CNTN3: variants seen among roughly 807,000 people sequenced by gnomAD.
CNTN3 encodes contactin-3.
Under a neutral mutation model 119.1 loss-of-function variants are expected in CNTN3, and 60 were observed. The ratio of observed to expected loss-of-function variants is 0.50; its 90% confidence interval spans 0.41 to 0.62. The LOEUF is 0.62. Ranked by LOEUF, CNTN3 falls within the 20% of genes least tolerant of loss-of-function variation. The probability of loss-of-function intolerance (pLI) is 0.00; values close to 1 mark genes in which losing one functional copy is unlikely to be tolerated. For missense variants in CNTN3, 1,101 were observed against 1,242.4 expected (o/e 0.89, Z 1.71); for synonymous variants, 450 against 438.7 (o/e 1.03, Z -0.32).
intron 1 of CNTN3, among the ~76,000 whole-genome samples, chr3:74,568,528 A>G (rs1371177095): frequency 6.6e-6 from 1 of 152,182 alleles, no homozygotes; most frequent in Non-Finnish European, 1.5e-5. Context: ...TCCTGGGATG[A>G]CAACCTAATG....
chr3:74,564,546 C>T (rs964491860), intron 1 of CNTN3, among the ~76,000 whole-genome samples: 7 of 150,604 alleles, frequency 4.6e-5, no homozygotes, highest in African/African-American at 1.5e-4. Flanking sequence ...TTCAATAAGC[C>T]ATTCATTCCA....
At chr3:74,399,477 T>C (rs533906897) in intron 5 of CNTN3, among the ~76,000 whole-genome samples, 3 of 152,310 alleles carry the variant, frequency 2.0e-5, no homozygotes, top group East Asian at 1.9e-4. Flanking sequence ...CATGATCTCA[T>C]GTTTTTAATG....
chr3:74,450,619 G>A (rs1016266272), intron 4 of CNTN3, among the ~76,000 whole-genome samples: 2 of 149,332 alleles, frequency 1.3e-5, no homozygotes, highest in African/African-American at 4.9e-5. Context: ...CCACTAACTC[G>A]TCATCTAGCA....
chr3:74,369,866 G>C, intron 7 of CNTN3, 23 bp downstream of exon 7: 1 of 1,236,900 alleles, frequency 8.1e-7, no homozygotes. Flanking sequence ...TCAGCACATA[G>C]GAGTAAATGT....
chr3:74,337,205 C>A (rs1703416123), intron 11 of CNTN3, among the ~76,000 whole-genome samples: 1 of 152,036 alleles, frequency 6.6e-6, no homozygotes, highest in African/African-American at 2.4e-5. Context: ...AGAGCCTAGG[C>A]AAATCCAATA....
intron 5 of CNTN3, among the ~76,000 whole-genome samples, chr3:74,389,437 T>C (rs1704838063): frequency 6.6e-6 from 1 of 152,192 alleles, no homozygotes; most frequent in Non-Finnish European, 1.5e-5. Context: ...TGTAGCATTA[T>C]TTTTGTGTAT....
chr3:74,380,533 C>T (rs1199704096), intron 5 of CNTN3, among the ~76,000 whole-genome samples: 1 of 152,180 alleles, frequency 6.6e-6, no homozygotes, highest in East Asian at 1.9e-4. Flanking sequence ...GATTGACCTG[C>T]CTTGCTATTA....
intron 1 of CNTN3, among the ~76,000 whole-genome samples, chr3:74,601,009 A>T (rs1704900411): frequency 1.3e-5 from 2 of 151,358 alleles, no homozygotes. Context: ...TATTCACTAC[A>T]TGAGACTTAC....
At chr3:74,353,065 G>A (rs1216761772) in intron 11 of CNTN3, among the ~76,000 whole-genome samples, 2 of 152,198 alleles carry the variant, frequency 1.3e-5, no homozygotes, top group East Asian at 1.9e-4. Flanking sequence ...GAGGAGAGGA[G>A]CCAGGTAGTG....
At chr3:74,571,710 CATTT>C (rs905036071) in intron 1 of CNTN3, among the ~76,000 whole-genome samples, 20 of 152,084 alleles carry the variant, frequency 1.3e-4, no homozygotes, top group African/African-American at 4.8e-4. Context: ...AGAATCCTGC[CATTT>C]ATTTAGATTA....
rs75512197 is a variant in CNTN3 at position 74,320,799 on chromosome 3, T to C, written c.1668+13936A>G. Among the ~76,000 whole-genome samples, 69 of 152,274 alleles carry C rather than the reference T, an allele frequency of 4.5e-4. 4 individuals are homozygous for C. The East Asian group carries it at 0.013, about 29-fold the overall frequency. ...GCACAACCTTTAGAGCACACTTTTA[T>C]TGTGGACATATGCAATTTTTCATGT... On this transcript the variant is annotated intron_variant, in intron 13 of 22. Coordinates refer to ENST00000263665, the MANE Select transcript of CNTN3 (RefSeq NM_020872.3).
chr3:74,266,717 C>T (rs1049478143), intron 21 of CNTN3, 68 bp from the exon 22 acceptor site: 14 of 1,442,202 alleles, frequency 9.7e-6, no homozygotes, highest in East Asian at 2.3e-5. Flanking sequence ...TAGAATTTGT[C>T]TCTCTGAAAT....
chr3:74,408,911 A>G (rs1701390066), intron 5 of CNTN3, among the ~76,000 whole-genome samples: 1 of 152,324 alleles, frequency 6.6e-6, no homozygotes, highest in Middle Eastern at 3.4e-3. Context: ...ACTAACATAC[A>G]GTAAAATTGT....
intron 4 of CNTN3, among the ~76,000 whole-genome samples, chr3:74,452,965 G>T (rs1248852805): frequency 6.6e-6 from 1 of 151,152 alleles, no homozygotes; most frequent in Non-Finnish European, 1.5e-5. Context: ...AAGGATATTG[G>T]TCTAAAATTC....
At chr3:74,370,712 T>C (rs1437506208) in intron 6 of CNTN3, among the ~76,000 whole-genome samples, 2 of 152,080 alleles carry the variant, frequency 1.3e-5, no homozygotes, top group Non-Finnish European at 2.9e-5. Context: ...CGGCAGCTCA[T>C]AGACTCCCCT....
intron 4 of CNTN3, among the ~76,000 whole-genome samples, chr3:74,438,599 T>C (rs908076320): frequency 1.3e-5 from 2 of 152,228 alleles, no homozygotes; most frequent in African/African-American, 4.8e-5. Context: ...TCTTGCTTTT[T>C]ATAGGCATGT....
At chr3:74,314,181 A>G (rs1702770485) in intron 13 of CNTN3, among the ~76,000 whole-genome samples, 2 of 152,196 alleles carry the variant, frequency 1.3e-5, no homozygotes, top group South Asian at 4.1e-4. Flanking sequence ...AAATGAGAAA[A>G]AAAGCAATCA....
At chr3:74,358,499 A>G (rs1703993524) in intron 11 of CNTN3, among the ~76,000 whole-genome samples, 1 of 151,222 alleles carries the variant, frequency 6.6e-6, no homozygotes, top group African/African-American at 2.4e-5. Context: ...GTGGCCAGGG[A>G]ATGAATTTCT....
At chr3:74,362,167 G>A in intron 10 of CNTN3, 127 bp from the exon 11 acceptor site, 1 of 946,170 alleles carries the variant, frequency 1.1e-6, no homozygotes, top group African/African-American at 1.7e-5. Context: ...TGATTTACTT[G>A]GCTTATTGTG....
Sources: allele counts gnomAD v4.1 joint callset (sites outside exome capture counted in the v4.1 genomes callset), GRCh38; gene constraint gnomAD v4.1.1; transcripts MANE v1.5; gene names NCBI Gene and HGNC (gene_info 2026-07-23, HGNC 2026-07-21).